STARD9: variants seen among roughly 807,000 people sequenced by gnomAD.
STARD9 encodes stAR-related lipid transfer protein 9.
STARD9 carries 346 observed loss-of-function variants against 399.8 expected under a neutral mutation model. The observed-to-expected ratio is 0.87, with a 90% CI of 0.79 to 0.95. The LOEUF is 0.95. Ranked by LOEUF, STARD9 falls within the 40% of genes least tolerant of loss-of-function variation. The pLI, the probability that STARD9 is intolerant of heterozygous loss-of-function variation, is 0.00. For synonymous variants in STARD9, 2,203 were observed against 2,143.5 expected (o/e 1.03, Z -0.77); for missense variants, 5,832 against 5,667.5 (o/e 1.03, Z -0.93).
chr15:42,598,000 ATGTGTGTGTG>A (rs572054615), intron 3 of STARD9, among the ~76,000 whole-genome samples: 37 of 115,182 alleles, frequency 3.2e-4, no homozygotes, highest in Non-Finnish European at 4.6e-4. Flanking sequence ...GTATATATAT[ATGTGTGTGTG>A]TGTGTGTGTG....
intron 26 of STARD9, among the ~76,000 whole-genome samples, chr15:42,714,120 T>C (rs1208339281): frequency 6.8e-6 from 1 of 146,800 alleles, no homozygotes; most frequent in African/African-American, 2.6e-5. Flanking sequence ...TGGAGGGCAG[T>C]GGTGCGATCT....
Position 42,689,379 on chromosome 15 carries a change from C to G in STARD9, c.7801C>G (p.Gln2601Glu), listed in dbSNP as rs1254033926. 2 of 1,537,194 alleles carry G rather than the reference C, an allele frequency of 1.3e-6. No homozygotes were observed. The highest frequency in any genetic ancestry group is 1.7e-6 in the Non-Finnish European group (2 of 1,146,928). ...CAGGCCTCAGTGTAAACAAATAGAC[C>G]AGTCATCATCAGACCAGACCAGGAA... is the stretch of plus-strand genomic sequence containing the variant. ...AGRPQCKQID[Q>E]SSSDQTRNEG... The change falls in exon 23 of 33, where the codon CAG becomes GAG. Residue 2601 changes from glutamine (Q) to glutamate (E), a missense_variant. Coordinates refer to ENST00000290607, the MANE Select transcript of STARD9 (RefSeq NM_020759.3).
rs565410677 is a variant in STARD9 at position 42,692,492 on chromosome 15, C to T, written c.10914C>T (p.Phe3638=). ...CPVGQTRTNT[F]EQGTQTLGSR... Reference sequence around the variant, plus strand: ...TGGGACAGACCAGGACGAACACATTCGAACAGGGCACACAGACCCTCGGCA... The same window carrying T: ...TGGGACAGACCAGGACGAACACATTTGAACAGGGCACACAGACCCTCGGCA... Residue 3638 remains phenylalanine, a synonymous_variant, in exon 23 of 33, where the codon TTC becomes TTT. Transcript: ENST00000290607. The T allele has an allele frequency of 7.8e-6, 12 of 1,537,138 alleles. No homozygotes were observed. Among genetic ancestry groups the T allele is most frequent in the South Asian group, 4.8e-5 (4 of 84,056 alleles).
chr15:42,696,712 A>T (rs1293431228), intron 26 of STARD9, among the ~76,000 whole-genome samples: 1 of 152,118 alleles, frequency 6.6e-6, no homozygotes, highest in Non-Finnish European at 1.5e-5. Context: ...CGAACAGAGG[A>T]GGATGTAATG....
intron 3 of STARD9, among the ~76,000 whole-genome samples, chr15:42,624,715 A>T (rs1247486808): frequency 6.6e-6 from 1 of 151,718 alleles, no homozygotes; most frequent in Non-Finnish European, 1.5e-5. Context: ...CGCCCAGCTA[A>T]TTTTTGTATT....
At chr15:42,660,317 CA>C (rs1453390052) in intron 9 of STARD9, among the ~76,000 whole-genome samples, 1 of 152,184 alleles carries the variant, frequency 6.6e-6, no homozygotes, top group African/African-American at 2.4e-5. Flanking sequence ...GTAATCCCAT[CA>C]CTTTGGGAGG....
rs1005273551 is a variant in STARD9 at position 42,708,671 on chromosome 15, CT to C, written c.13285-7999del. ...GAATGTATTTATCTGCTGTTTCTTG[CT>C]TTTTTTCTTTTTTTTTTCATGTAAG... On this transcript the variant is annotated intron_variant, in intron 26 of 32. Transcript: ENST00000290607. 7.0e-4 allele frequency among the ~76,000 whole-genome samples: 106 copies of C among 151,056 alleles called. 1 individual carries two copies. The highest frequency in any genetic ancestry group is 1.2e-3 in the Admixed American group (18 of 15,190).
intron 16 of STARD9, chr15:42,670,783 T>C (rs754955221): frequency 3.3e-5 from 5 of 152,214 alleles, no homozygotes; most frequent in African/African-American, 4.8e-5. Context: ...GCTTATTTTC[T>C]GGTATACAGG....
chr15:42,690,216 G>A lies in STARD9; in HGVS notation c.8638G>A (p.Val2880Ile). 1 of 1,537,696 alleles carries A rather than the reference G, an allele frequency of 6.5e-7. No homozygotes were observed. The highest frequency in any genetic ancestry group is 1.2e-5 in the South Asian group (1 of 84,064). ...GCAGTGTGTGCAGTGTAAGGAGAGT[G>A]TTGGGTCTGGGTTGACAGAAGTCTG... ...TQQCVQCKES[V>I]GSGLTEVCRA... Residue 2880 changes from valine to isoleucine, a missense_variant, in exon 23 of 33, where the codon GTT (valine) becomes ATT (isoleucine). Transcript: ENST00000290607.
chr15:42,637,979 C>T lies in STARD9; in HGVS notation c.384+40C>T. The stretch of plus-strand genomic sequence containing the variant: ...TTGGCTGGATCCTCTCAAAGTAGGT[C>T]TCTCTACAATTCCTACAATGAAACC... On this transcript the variant is annotated intron_variant, in intron 5 of 32. Transcript: ENST00000290607. 2.0e-6 allele frequency: 3 copies of T among 1,537,112 alleles called. No homozygotes were observed. The South Asian group carries it at 3.6e-5, about 18-fold the overall frequency.
In STARD9 at chr15:42,691,687, A is replaced by G. The variant is rs1480911493; in HGVS notation, c.10109A>G (p.Lys3370Arg). Residue 3370 changes from lysine to arginine, a missense_variant, in exon 23 of 33, where the codon AAG becomes AGG. By Grantham distance (26) the Lys-to-Arg change is conservative. Transcript: ENST00000290607. The part of the protein sequence containing the change: ...NPHLRGYSSG[K>R]SVARTSLQAE... Reference sequence around the variant, plus strand: ...CATCTCAGGGGCTATTCCTCAGGAAAGTCAGTGGCAAGAACATCTCTGCAG... The same window carrying G: ...CATCTCAGGGGCTATTCCTCAGGAAGGTCAGTGGCAAGAACATCTCTGCAG... 1.3e-6 allele frequency: 2 copies of G among 1,537,168 alleles called. No individual in the cohort carries two copies. Among genetic ancestry groups the G allele is most frequent in the African/African-American group, 1.4e-5 (1 of 73,046 alleles).
intron 3 of STARD9, among the ~76,000 whole-genome samples, chr15:42,614,897 G>A (rs185748454): frequency 7.9e-4 from 120 of 152,166 alleles, no homozygotes; most frequent in African/African-American, 2.8e-3. Flanking sequence ...CCCGGGAGGC[G>A]GAGGTTGCAG....
intron 15 of STARD9, among the ~76,000 whole-genome samples, chr15:42,667,334 G>A (rs1367745834): frequency 6.6e-6 from 1 of 151,352 alleles, no homozygotes; most frequent in Non-Finnish European, 1.5e-5. Context: ...ACAGGCTCAC[G>A]CCACCACGCC....
At position 42,682,270 on chromosome 15, in the gene STARD9, G is replaced by C. The variant is rs1313516953; in HGVS notation, c.2232G>C (p.Arg744Ser). ...QPSPFVQSQK[R>S]VVHLQLLRRH... ...CCCCATTTGTCCAAAGTCAGAAAAG[G>C]GTGGTGCACCTGCAGCTCCTGCGGA... is the stretch of plus-strand genomic sequence containing the variant. The change falls in exon 22 of 33, where the codon AGG becomes AGC. Residue 744 changes from arginine (R) to serine (S), a missense_variant. This residue lies in a region of STARD9 where 5,828 missense variants were observed against 5,651.1 expected (regional missense o/e 1.03). Transcript: ENST00000290607. The C allele has an allele frequency of 3.3e-6, 5 of 1,537,144 alleles. No individual in the cohort carries two copies. Among genetic ancestry groups the C allele is most frequent in the South Asian group, 1.2e-5 (1 of 84,072 alleles).
intron 28 of STARD9, 115 bp downstream of exon 28, chr15:42,717,163 C>A: frequency 8.7e-7 from 1 of 1,148,148 alleles, no homozygotes; most frequent in Non-Finnish European, 1.2e-6. Context: ...GGCTTGTGGG[C>A]ATCTTCAGTG....
chr15:42,692,897 A>T lies in STARD9; in HGVS notation c.11319A>T (p.Gln3773His). 1 of 1,537,276 alleles carries T rather than the reference A, an allele frequency of 6.5e-7. No individual in the cohort carries two copies. The highest frequency in any genetic ancestry group is 8.7e-7 in the Non-Finnish European group (1 of 1,146,918). Residue 3773 changes from glutamine to histidine, a missense_variant, in exon 23 of 33, where the codon CAA becomes CAT. Coordinates refer to ENST00000290607, the MANE Select transcript of STARD9 (RefSeq NM_020759.3). ...GCTCAGATACCTCGACTGTGTCTCAAGAAGAGGGAGATGTGCCAGGGGTAC... is the reference window on the plus strand; with the variant it reads ...GCTCAGATACCTCGACTGTGTCTCATGAAGAGGGAGATGTGCCAGGGGTAC... The part of the protein sequence containing the change: ...GLGSDTSTVS[Q>H]EEGDVPGVPQ...
intron 26 of STARD9, among the ~76,000 whole-genome samples, chr15:42,715,734 C>G (rs1437244828): frequency 6.6e-6 from 1 of 152,144 alleles, no homozygotes; most frequent in East Asian, 1.9e-4. Flanking sequence ...GTCTGGAGCT[C>G]CTGACCTCAG....
chr15:42,624,472 A>G (rs1391440896), intron 3 of STARD9, among the ~76,000 whole-genome samples: 1 of 145,036 alleles, frequency 6.9e-6, no homozygotes, highest in African/African-American at 2.9e-5. Flanking sequence ...AGTCTGAAAG[A>G]GTAATTTCAC....
rs2061244603 is a variant in STARD9, at chr15:42,712,096, TAATATATA to T, written c.13285-4579_13285-4572del. 3.9e-3 allele frequency among the ~76,000 whole-genome samples: 2 copies of T among 508 alleles called. 1 individual carries two copies. The highest frequency in any genetic ancestry group is 7.2e-3 in the African/African-American group (2 of 276). The allele number at this position is 508 out of a possible 152,430, so 0.3% of individuals were successfully genotyped here. ...TATATATATATTATATATATATATA[TAATATATA>T]ATATATAATATATAATATATATATA... On this transcript the variant is annotated intron_variant, in intron 26 of 32. Transcript: ENST00000290607.
Sources: gnomAD v4.1 joint callset for allele counts (sites outside exome capture counted in the v4.1 genomes callset) on GRCh38, gnomAD v4.1.1 for gene constraint, gnomAD v4.1.1 regional missense constraint, MANE v1.5 for transcripts, NCBI Gene and HGNC (gene_info 2026-07-23, HGNC 2026-07-21) for gene names.